NRXN1: variants seen among roughly 807,000 people sequenced by gnomAD.
NRXN1 encodes neurexin-1.
In NRXN1, 39 loss-of-function variants were observed where a neutral mutation model predicts 150.9. The observed-to-expected ratio is 0.26, with a 90% CI of 0.20 to 0.34. NRXN1 has a LOEUF of 0.34. NRXN1 is among the 10% of genes least tolerant of loss of function. The pLI, the probability that NRXN1 is intolerant of heterozygous loss-of-function variation, is 1.00. For synonymous variants in NRXN1, 924 were observed against 757.0 expected (o/e 1.22, Z -3.62); for missense variants, 1,815 against 1,949.9 (o/e 0.93, Z 1.30).
At chr2:50,963,142 T>A (rs1430154620) in intron 2 of NRXN1, among the ~76,000 whole-genome samples, 1 of 151,668 alleles carries the variant, frequency 6.6e-6, no homozygotes, top group Non-Finnish European at 1.5e-5. Flanking sequence ...CCCTTTTTGT[T>A]CTTTAATCTG....
At chr2:50,208,285 G>A (rs1462193687) in intron 18 of NRXN1, among the ~76,000 whole-genome samples, 1 of 152,010 alleles carries the variant, frequency 6.6e-6, no homozygotes, top group Non-Finnish European at 1.5e-5. Flanking sequence ...AACTTTCTGA[G>A]ATGTCCAATG....
chr2:50,531,813 T>G (rs2105211726), intron 10 of NRXN1, among the ~76,000 whole-genome samples: 1 of 151,928 alleles, frequency 6.6e-6, no homozygotes, highest in Non-Finnish European at 1.5e-5. Flanking sequence ...ACCAGCGAAG[T>G]TGTGGATTTT....
chr2:50,843,397 A>G (rs1673160266), intron 5 of NRXN1, among the ~76,000 whole-genome samples: 1 of 152,222 alleles, frequency 6.6e-6, no homozygotes, highest in Non-Finnish European at 1.5e-5. Context: ...ATAGAAAAAA[A>G]CAACTGGATC....
intron 9 of NRXN1, among the ~76,000 whole-genome samples, chr2:50,539,888 G>A (rs757315749): frequency 5.3e-5 from 8 of 152,180 alleles, no homozygotes; most frequent in Non-Finnish European, 8.8e-5. Context: ...TAGGTCAGGT[G>A]TGTGTAGGGA....
chr2:50,236,747 C>T lies in NRXN1; in HGVS notation c.3546+42G>A, dbSNP rs369717812. The T allele has an allele frequency of 2.3e-5, 37 of 1,582,876 alleles. No homozygotes were observed. The African/African-American group carries it at 4.7e-4, about 20-fold the overall frequency. On this transcript the variant is annotated intron_variant, in intron 18 of 22. Transcript: ENST00000401669. ...TTATAAATTCTTTACAAAAAGTTAA[C>T]AGTAAAAAGTAAAAGCTGAATCTTA...
chr2:50,466,196 A>G (rs1188263738), intron 16 of NRXN1, among the ~76,000 whole-genome samples: 1 of 151,848 alleles, frequency 6.6e-6, no homozygotes, highest in African/African-American at 2.4e-5. Flanking sequence ...CTAAAGAATC[A>G]TAACTAGAAC....
At chr2:50,959,545 T>C (rs1692810093) in intron 2 of NRXN1, among the ~76,000 whole-genome samples, 1 of 151,940 alleles carries the variant, frequency 6.6e-6, no homozygotes, top group African/African-American at 2.4e-5. Context: ...CCTGAACAGG[T>C]AGGTCTATAG....
intron 2 of NRXN1, among the ~76,000 whole-genome samples, chr2:50,931,925 C>T (rs1282707891): frequency 2.6e-5 from 4 of 151,686 alleles, no homozygotes; most frequent in Admixed American, 2.0e-4. Flanking sequence ...GCAGTGTCAC[C>T]GTGTTGGCTC....
chr2:50,270,391 C>G (rs558230152), intron 17 of NRXN1, among the ~76,000 whole-genome samples: 11 of 152,120 alleles, frequency 7.2e-5, no homozygotes, highest in African/African-American at 2.6e-4. Context: ...AAATATTGAG[C>G]GTTGTGAGAA....
intron 5 of NRXN1, among the ~76,000 whole-genome samples, chr2:50,861,501 A>G (rs865776049): frequency 6.6e-6 from 1 of 152,150 alleles, no homozygotes; most frequent in African/African-American, 2.4e-5. Context: ...AAAATAATGT[A>G]TACTGATTCG....
At chr2:50,282,198 G>C (rs1435944556) in intron 17 of NRXN1, among the ~76,000 whole-genome samples, 1 of 152,128 alleles carries the variant, frequency 6.6e-6, no homozygotes, top group Non-Finnish European at 1.5e-5. Context: ...ATCATAAAGA[G>C]CTTTATATGC....
In NRXN1 at chr2:50,299,410, AT is replaced by A. The variant is rs34923830; in HGVS notation, c.3365-62441del. ...AGTGCTATATCCTGGTCATTGTCCA[AT>A]TTTTTTTTTTTTTTAAAACTGACTT... On this transcript the variant is annotated intron_variant, in intron 17 of 22. Coordinates refer to ENST00000401669, the MANE Select transcript of NRXN1 (RefSeq NM_001330078.2). 5.8e-3 allele frequency among the ~76,000 whole-genome samples: 776 copies of A among 134,660 alleles called. 1 individual carries two copies. The highest frequency in any genetic ancestry group is 0.011 in the African/African-American group (399 of 37,630). The allele number at this position is 134,660 out of a possible 152,430, so 88.3% of individuals were successfully genotyped here. A position where few individuals can be genotyped will look rare whatever the true frequency, so the allele number is the denominator to read the frequency against.
chr2:50,955,665 T>A (rs1283784466), intron 2 of NRXN1, among the ~76,000 whole-genome samples: 2 of 152,196 alleles, frequency 1.3e-5, no homozygotes, highest in African/African-American at 2.4e-5. Context: ...GACAGTTAGA[T>A]AACAGCAAGT....
At chr2:50,922,173 A>G (rs1686142451) in intron 4 of NRXN1, among the ~76,000 whole-genome samples, 1 of 151,888 alleles carries the variant, frequency 6.6e-6, no homozygotes, top group Non-Finnish European at 1.5e-5. Flanking sequence ...TAGAGAAAGT[A>G]TTGATTCTGT....
At chr2:50,534,219 G>A (rs974331531) in intron 10 of NRXN1, among the ~76,000 whole-genome samples, 2 of 152,074 alleles carry the variant, frequency 1.3e-5, no homozygotes, top group African/African-American at 4.8e-5. Context: ...CTTATTGCAA[G>A]TGAAATCTAA....
At chr2:51,005,324 T>C (rs1278522264) in intron 2 of NRXN1, among the ~76,000 whole-genome samples, 1 of 152,036 alleles carries the variant, frequency 6.6e-6, no homozygotes, top group African/African-American at 2.4e-5. Flanking sequence ...CAAATACTTA[T>C]GAGATATATA....
chr2:50,234,174 T>C (rs1190344176), intron 18 of NRXN1, among the ~76,000 whole-genome samples: 4 of 152,040 alleles, frequency 2.6e-5, no homozygotes, highest in Non-Finnish European at 5.9e-5. Flanking sequence ...CCACTGGCCT[T>C]GTGTTAATTT....
intron 17 of NRXN1, among the ~76,000 whole-genome samples, chr2:50,241,762 T>A (rs1177390943): frequency 6.6e-6 from 1 of 151,818 alleles, no homozygotes; most frequent in Admixed American, 6.6e-5. Context: ...AACATGCTAT[T>A]TACATATAGG....
intron 13 of NRXN1, among the ~76,000 whole-genome samples, chr2:50,504,592 C>G (rs1245048245): frequency 6.6e-6 from 1 of 151,684 alleles, no homozygotes; most frequent in East Asian, 1.9e-4. Flanking sequence ...AAATGTTTTT[C>G]ACCATTCTTT....
Sources: gnomAD v4.1 joint callset for allele counts (sites outside exome capture counted in the v4.1 genomes callset) on GRCh38, gnomAD v4.1.1 for gene constraint, MANE v1.5 for transcripts, NCBI Gene and HGNC (gene_info 2026-07-23, HGNC 2026-07-21) for gene names.